CPSF1: variants seen among roughly 807,000 people sequenced by gnomAD.
CPSF1 encodes cleavage and polyadenylation specific factor 1.
CPSF1 carries 106 observed loss-of-function variants against 175.8 expected under a neutral mutation model. That is an observed-to-expected ratio of 0.60 (90% confidence interval 0.52 to 0.71). The LOEUF (loss-of-function observed/expected upper bound fraction) is 0.71, where lower values mean the gene tolerates loss of function less well. Among genes scored for constraint, CPSF1 ranks in the 30% least tolerant of loss-of-function variants. CPSF1 has a pLI of 0.00. For synonymous variants in CPSF1, 1,024 were observed against 858.3 expected, an observed-to-expected ratio of 1.19 and a Z score of -3.37; for missense variants, 1,734 against 2,022.9, an observed-to-expected ratio of 0.86 and a Z score of 2.74.
intron 34 of CPSF1, 25 bp downstream of exon 34, chr8:144,394,088 C>G (rs1367236604): frequency 2.5e-6 from 4 of 1,611,502 alleles, no homozygotes; most frequent in African/African-American, 1.3e-5. Flanking sequence ...CCGGCCCAGG[C>G]AGAGGGGGTG....
intron 2 of CPSF1, among the ~76,000 whole-genome samples, chr8:144,406,610 A>G (rs1419649153): frequency 6.6e-6 from 1 of 152,008 alleles, no homozygotes; most frequent in Non-Finnish European, 1.5e-5. Flanking sequence ...CTCTGACTTG[A>G]CCTCCATACC....
rs1820564036 is a variant in CPSF1, at chr8:144,394,343, CCCACCCAGACACGAGCACCG to C, written c.3744+16_3744+35del. ...GCGTCAGAGGTGCCTTGGGCGGGTA[CCCACCCAGACACGAGCACCG>C]CCGCCACAGGTGTACCCGCGACACC... On this transcript the variant is annotated intron_variant, in intron 32 of 37. Coordinates refer to ENST00000616140, the MANE Select transcript of CPSF1 (RefSeq NM_013291.3). The C allele has an allele frequency of 6.3e-7, 1 of 1,587,944 alleles. No homozygotes were observed. The highest frequency in any genetic ancestry group is 1.3e-5 in the African/African-American group (1 of 74,556).
chr8:144,399,046 G>T lies in CPSF1; in HGVS notation c.1468-8C>A, dbSNP rs2116857446. ...CTCGGGGCTGTTCTGAAACTGCACA[G>T]GACTCGGGGGTGAGGACTATGCCCC... On this transcript the variant is annotated splice_region_variant and splice_polypyrimidine_tract_variant and intron_variant, in intron 15 of 37. Coordinates refer to ENST00000616140, the MANE Select transcript of CPSF1 (RefSeq NM_013291.3). This position sits in a 1 kb window ranked among gnomAD's most constrained non-coding sequence, Gnocchi z 6.4. The T allele has an allele frequency of 4.4e-6, 7 of 1,579,588 alleles. No homozygotes were observed. Among genetic ancestry groups the T allele is most frequent in the Non-Finnish European group, 6.0e-6 (7 of 1,163,230 alleles).
At chr8:144,400,135 G>GCCCCCCC (rs1491238659) in intron 9 of CPSF1, 31 bp downstream of exon 9, 44 of 896,424 alleles carry the variant, frequency 4.9e-5, no homozygotes, top group East Asian at 5.9e-5. Context: ...CCGTCCCCGG[G>GCCCCCCC]CCCCCCCCGC....
rs2116907457 is a variant in CPSF1 at position 144,407,143 on chromosome 8, G to A, written c.144+1872C>T. ...TTGGCCAGACTGGTCTCGAACCCATGACCTCAGGTGATCTACTACCTGCCT... is the reference window on the plus strand; with the variant it reads ...TTGGCCAGACTGGTCTCGAACCCATAACCTCAGGTGATCTACTACCTGCCT... On this transcript the variant is annotated intron_variant, in intron 2 of 37. Coordinates refer to ENST00000616140, the MANE Select transcript of CPSF1 (RefSeq NM_013291.3). Among the ~76,000 whole-genome samples the A allele has an allele frequency of 7.2e-5, 11 of 151,802 alleles. No homozygotes were observed. In the South Asian group the frequency reaches 2.1e-3, roughly 29 times the overall value.
chr8:144,399,963 C>T lies in CPSF1; in HGVS notation c.1031+29G>A, dbSNP rs2116868530. 162 of 1,562,042 alleles carry T rather than the reference C, an allele frequency of 1.0e-4. No individual in the cohort carries two copies. In the African/African-American group the frequency reaches 2.2e-3, roughly 21 times the overall value. On this transcript the variant is annotated intron_variant, in intron 10 of 37. Coordinates refer to ENST00000616140, the MANE Select transcript of CPSF1 (RefSeq NM_013291.3). This position sits in a 1 kb window ranked among gnomAD's most constrained non-coding sequence, Gnocchi z 6.4. ...CAGGACTTGTGGGGGGCGGTGTGGGCAGAGTTCATGGGCGGGGGAGGGGCT... is the reference window on the plus strand; with the variant it reads ...CAGGACTTGTGGGGGGCGGTGTGGGTAGAGTTCATGGGCGGGGGAGGGGCT...
Position 144,394,045 on chromosome 8 carries a change from CAGA to C in CPSF1, c.3860-10_3860-8del. The C allele has an allele frequency of 6.2e-7, 1 of 1,610,784 alleles. No homozygotes were observed. The highest frequency in any genetic ancestry group is 8.5e-7 in the Non-Finnish European group (1 of 1,178,078). ...CCCCCGAAACTCTCCTTGGCTAGACCAGAAAGGCCTAGGGGTCACTGCTAGCCC... is the reference window on the plus strand; with the variant it reads ...CCCCCGAAACTCTCCTTGGCTAGACCAAGGCCTAGGGGTCACTGCTAGCCC... On this transcript the variant is annotated splice_polypyrimidine_tract_variant and splice_region_variant and intron_variant, in intron 34 of 37. Coordinates refer to ENST00000616140, the MANE Select transcript of CPSF1 (RefSeq NM_013291.3).
At chr8:144,397,063 CTG>C (rs1236426331) in intron 23 of CPSF1, 134 bp from the exon 24 acceptor site, 29 of 756,242 alleles carry the variant, frequency 3.8e-5, no homozygotes, top group African/African-American at 1.3e-4. Flanking sequence ...AGGGGCGGGG[CTG>C]TGAGGGAGAT....
At position 144,399,903 on chromosome 8, in the gene CPSF1, G is replaced by A; in HGVS notation, c.1032-35C>T. ...GGGAGAATTCTGAGTCGGGGATGGGGACCCTGGGGGAGTGAAGGGGGCCAG... is the reference window on the plus strand; with the variant it reads ...GGGAGAATTCTGAGTCGGGGATGGGAACCCTGGGGGAGTGAAGGGGGCCAG... On this transcript the variant is annotated intron_variant, in intron 10 of 37. Coordinates refer to ENST00000616140, the MANE Select transcript of CPSF1 (RefSeq NM_013291.3). The surrounding 1 kb of genome is among the most constrained non-coding windows in gnomAD (Gnocchi z 6.4). The A allele has an allele frequency of 1.3e-6, 2 of 1,550,206 alleles. No homozygotes were observed. Among genetic ancestry groups the A allele is most frequent in the Non-Finnish European group, 8.7e-7 (1 of 1,143,570 alleles).
At chr8:144,407,352 A>G (rs1363400624) in intron 2 of CPSF1, among the ~76,000 whole-genome samples, 1 of 151,774 alleles carries the variant, frequency 6.6e-6, no homozygotes, top group East Asian at 1.9e-4. Flanking sequence ...TGTAGCTAGG[A>G]CTACACACAG....
chr8:144,408,894 G>T, intron 2 of CPSF1, 121 bp downstream of exon 2: 1 of 1,210,258 alleles, frequency 8.3e-7, no homozygotes, highest in Non-Finnish European at 1.2e-6. Context: ...GGCTCCTCAG[G>T]CTGAGGAACG....
intron 23 of CPSF1, 90 bp downstream of exon 23, chr8:144,397,115 TGG>T (rs1477020478): frequency 4.1e-6 from 3 of 733,592 alleles, no homozygotes; most frequent in Non-Finnish European, 4.9e-6. Context: ...GTGGGGGAGA[TGG>T]GGTGGAGCCA....
chr8:144,395,558 T>C lies in CPSF1; in HGVS notation c.2980-7A>G, dbSNP rs1263313208. ...CACTGATCCTCAGCTCGCCCTGGGG[T>C]GGGGGCACAGGGGTCAGGGGATCCA... On this transcript the variant is annotated splice_polypyrimidine_tract_variant and splice_region_variant and intron_variant, in intron 26 of 37. Transcript: ENST00000616140. 4 of 208,640 alleles carry C rather than the reference T, an allele frequency of 1.9e-5. No individual in the cohort carries two copies. Among genetic ancestry groups the C allele is most frequent in the East Asian group, 1.5e-4 (1 of 6,882 alleles). The allele number at this position is 208,640 out of a possible 1,614,324, so 12.9% of individuals were successfully genotyped here.
chr8:144,395,814 G>A (rs1045739910), intron 26 of CPSF1: 2 of 568,110 alleles, frequency 3.5e-6, no homozygotes, highest in South Asian at 2.0e-5. Flanking sequence ...GGCACTGGAG[G>A]CTGCAAAGGG....
chr8:144,394,921 G>A lies in CPSF1; in HGVS notation c.3375C>T (p.Thr1125=). ...TGACCTCCTCCCCCTGCATGAGGCA[G>A]GTCCCGGCGGCCACGTAGCCTTTGA... ...SGLKGYVAAG[T]CLMQGEEVTC... is the part of the protein sequence containing the mutation. Residue 1125 remains threonine (T), a synonymous_variant, in exon 30 of 38, where the codon ACC becomes ACT. Coordinates refer to ENST00000616140, the MANE Select transcript of CPSF1 (RefSeq NM_013291.3). 2.5e-6 allele frequency: 4 copies of A among 1,612,766 alleles called. No homozygotes were observed. Among genetic ancestry groups the A allele is most frequent in the South Asian group, 1.1e-5 (1 of 91,080 alleles).
intron 9 of CPSF1, 29 bp downstream of exon 9, chr8:144,400,137 C>CA: frequency 2.7e-6 from 3 of 1,127,696 alleles, no homozygotes; most frequent in Non-Finnish European, 3.8e-6. Flanking sequence ...GTCCCCGGGC[C>CA]CCCCCCGCCC....
intron 37 of CPSF1, 21 bp downstream of exon 37, chr8:144,393,431 G>T (rs1554862015): frequency 1.3e-6 from 2 of 1,532,110 alleles, no homozygotes; most frequent in South Asian, 2.4e-5. Flanking sequence ...GGGGCGCGCG[G>T]GGGGCGGGGC....
At chr8:144,395,809 T>G in intron 26 of CPSF1, 1 of 572,652 alleles carries the variant, frequency 1.7e-6, no homozygotes, top group East Asian at 2.9e-5. Context: ...AGGAGGGCAC[T>G]GGAGGCTGCA....
intron 26 of CPSF1, chr8:144,395,871 G>A (rs782154087): frequency 1.0e-5 from 5 of 492,476 alleles, no homozygotes; most frequent in African/African-American, 3.9e-5. Context: ...GGCAGAGGGA[G>A]CCAGGGCTGC....
Sources: gnomAD v4.1 joint callset for allele counts (sites outside exome capture counted in the v4.1 genomes callset) on GRCh38, gnomAD v4.1.1 for gene constraint, Gnocchi (gnomAD v3.1) non-coding constraint, MANE v1.5 for transcripts, NCBI Gene and HGNC (gene_info 2026-07-23, HGNC 2026-07-21) for gene names.